UTRN: variants seen among roughly 807,000 people sequenced by gnomAD.
UTRN encodes the protein dystrophin-related protein 1.
UTRN carries 283 observed loss-of-function variants against 463.9 expected under a neutral mutation model. The ratio of observed to expected loss-of-function variants is 0.61; its 90% CI spans 0.55 to 0.67. The LOEUF (loss-of-function observed/expected upper bound fraction) is 0.67, where lower values mean the gene tolerates loss of function less well. Among genes scored for constraint, UTRN ranks in the 30% least tolerant of loss-of-function variants. The probability of loss-of-function intolerance (pLI) is 0.00; values close to 1 mark genes in which losing one functional copy is unlikely to be tolerated. For synonymous variants in UTRN, 1,442 were observed against 1,431.5 expected (o/e 1.01, Z -0.17); for missense variants, 3,922 against 4,084.3 (o/e 0.96, Z 1.08).
At position 144,471,618 on chromosome 6, in the gene UTRN, A is replaced by C. The variant is rs372101277; in HGVS notation, c.3067-2102A>C. Among the ~76,000 whole-genome samples the C allele has an allele frequency of 2.6e-5, 4 of 152,208 alleles. No individual in the cohort carries two copies. In the East Asian group the frequency reaches 7.7e-4, roughly 29 times the overall value. On this transcript the variant is annotated intron_variant, in intron 23 of 74. Transcript: ENST00000367545. ...CCCGTCCTGAGCATGTCTTCCCAAG[A>C]AGCCTTCTATGCTAAGACCTTGAAA...
chr6:144,799,335 C>T (rs1165348659), intron 64 of UTRN: 6 of 417,332 alleles, frequency 1.4e-5, no homozygotes, highest in Middle Eastern at 3.5e-4. Flanking sequence ...GGTCAGAGGG[C>T]CTTGCTGCTA....
At chr6:144,425,013 A>C (rs959776590) in intron 6 of UTRN, among the ~76,000 whole-genome samples, 1 of 152,218 alleles carries the variant, frequency 6.6e-6, no homozygotes, top group African/African-American at 2.4e-5. Context: ...ACAGATCTTA[A>C]GATTTTGTCA....
chr6:144,433,309 G>T (rs1481757590), intron 9 of UTRN, among the ~76,000 whole-genome samples: 7 of 150,356 alleles, frequency 4.7e-5, no homozygotes, highest in Admixed American at 2.0e-4. Context: ...CTGGCCGGGT[G>T]GGGGGCTGAA....
intron 65 of UTRN, among the ~76,000 whole-genome samples, chr6:144,803,590 T>C (rs989068750): frequency 1.3e-5 from 2 of 152,044 alleles, no homozygotes; most frequent in African/African-American, 4.8e-5. Flanking sequence ...TCTATTTATA[T>C]TTATATTTAT....
At chr6:144,824,153 G>A (rs1182290430) in intron 66 of UTRN, among the ~76,000 whole-genome samples, 1 of 152,070 alleles carries the variant, frequency 6.6e-6, no homozygotes, top group Admixed American at 6.6e-5. Flanking sequence ...AGAAATGGCA[G>A]TGGAGAGAGA....
chr6:144,789,252 A>G lies in UTRN; in HGVS notation c.8893A>G (p.Lys2965Glu), dbSNP rs1472769827. ...GAAGATTGGATTAATGTCTCTCTCC[A>G]AAGGTCTCTTGGAAGAAAAATACAG... ...SLKIGLMSLSKGLLEEKYRYL... is the reference protein window; with the variant it reads ...SLKIGLMSLSEGLLEEKYRYL... The change falls in exon 62 of 75, where the codon AAA becomes GAA. Residue 2965 changes from lysine (K) to glutamate (E), a missense_variant. Transcript: ENST00000367545. 3 of 1,613,380 alleles carry G rather than the reference A, an allele frequency of 1.9e-6. No homozygotes were observed. Among genetic ancestry groups the G allele is most frequent in the East Asian group, 2.2e-5 (1 of 44,770 alleles).
intron 51 of UTRN, among the ~76,000 whole-genome samples, chr6:144,604,336 C>T (rs1344188753): frequency 6.6e-6 from 1 of 151,852 alleles, no homozygotes; most frequent in Non-Finnish European, 1.5e-5. Flanking sequence ...AATGATGTTG[C>T]CTGAAGAAAT....
At chr6:144,826,697 T>C (rs1156255212) in intron 66 of UTRN, among the ~76,000 whole-genome samples, 2 of 151,952 alleles carry the variant, frequency 1.3e-5, no homozygotes, top group Non-Finnish European at 2.9e-5. Context: ...TCTAAAAAAC[T>C]TTTTTTTGAA....
chr6:144,433,346 G>A (rs1199106350), intron 9 of UTRN, among the ~76,000 whole-genome samples: 4 of 150,292 alleles, frequency 2.7e-5, no homozygotes, highest in African/African-American at 4.9e-5. Context: ...CGGACGGGGC[G>A]GCTGGCCTGG....
intron 2 of UTRN, among the ~76,000 whole-genome samples, chr6:144,383,773 C>T (rs757134302): frequency 6.6e-6 from 1 of 152,136 alleles, no homozygotes; most frequent in Non-Finnish European, 1.5e-5. Context: ...ATAGTGAGTT[C>T]CAGCAAATAG....
At position 144,531,036 on chromosome 6, in the gene UTRN, G is replaced by A. The variant is rs759860364; in HGVS notation, c.5907-16G>A. 3 of 1,605,726 alleles carry A rather than the reference G, an allele frequency of 1.9e-6. No individual in the cohort carries two copies. In the Admixed American group the frequency reaches 5.1e-5, roughly 27 times the overall value. Reference sequence around the variant, plus strand: ...AAAATTTGGAAACCTATTTTATTTTGTGTATTGTCCTCTAGTTGTTTTGAC... The same window carrying A: ...AAAATTTGGAAACCTATTTTATTTTATGTATTGTCCTCTAGTTGTTTTGAC... On this transcript the variant is annotated splice_polypyrimidine_tract_variant and intron_variant, in intron 41 of 74. Transcript: ENST00000367545.
intron 51 of UTRN, among the ~76,000 whole-genome samples, chr6:144,656,553 C>T (rs1157741295): frequency 1.3e-5 from 2 of 152,180 alleles, no homozygotes; most frequent in East Asian, 1.9e-4. Flanking sequence ...CTGGGATTAT[C>T]GTCATGGGCC....
intron 34 of UTRN, among the ~76,000 whole-genome samples, chr6:144,505,654 A>G (rs1327072251): frequency 1.3e-5 from 2 of 152,200 alleles, no homozygotes; most frequent in Non-Finnish European, 2.9e-5. Flanking sequence ...GCATTTGCTG[A>G]GGAGTGTTTT....
At chr6:144,363,093 AT>A (rs762598049) in intron 2 of UTRN, among the ~76,000 whole-genome samples, 4 of 152,282 alleles carry the variant, frequency 2.6e-5, no homozygotes, top group South Asian at 4.1e-4. Context: ...TTTTTAAAAG[AT>A]TTTTTAATGG....
chr6:144,607,853 T>C (rs752981859), intron 51 of UTRN, among the ~76,000 whole-genome samples: 8 of 152,218 alleles, frequency 5.3e-5, no homozygotes, highest in Non-Finnish European at 1.2e-4. Flanking sequence ...AACCTTGCTT[T>C]AGAGTGACCT....
chr6:144,704,646 G>A (rs917954686), intron 53 of UTRN, among the ~76,000 whole-genome samples: 4 of 152,062 alleles, frequency 2.6e-5, no homozygotes, highest in Admixed American at 2.0e-4. Context: ...AGAAAAACTC[G>A]AGGGAAGAAA....
intron 69 of UTRN, among the ~76,000 whole-genome samples, chr6:144,829,232 T>C (rs934890127): frequency 1.3e-5 from 2 of 152,052 alleles, no homozygotes; most frequent in Non-Finnish European, 2.9e-5. Context: ...TTTCTTCCAC[T>C]AGCTAACATT....
chr6:144,829,865 T>C (rs539718327), intron 69 of UTRN, among the ~76,000 whole-genome samples: 1 of 152,256 alleles, frequency 6.6e-6, no homozygotes, highest in South Asian at 2.1e-4. Context: ...TTTCAAAGAT[T>C]GCATCTTAAT....
intron 24 of UTRN, 61 bp from the exon 25 acceptor site, chr6:144,474,543 C>G: frequency 6.6e-7 from 1 of 1,506,220 alleles, no homozygotes; most frequent in Non-Finnish European, 8.9e-7. Context: ...AGCAGACAAA[C>G]TATAATTATG....
Sources: gnomAD v4.1 joint callset for allele counts (sites outside exome capture counted in the v4.1 genomes callset) on GRCh38, gnomAD v4.1.1 for gene constraint, MANE v1.5 for transcripts, NCBI Gene and HGNC (gene_info 2026-07-23, HGNC 2026-07-21) for gene names.